SCAF4: variants seen among roughly 807,000 people sequenced by gnomAD.
SCAF4 encodes the protein SR-related and CTD-associated factor 4.
In SCAF4, 25 loss-of-function variants were observed where a neutral mutation model predicts 129.8. The observed-to-expected ratio is 0.19, with a 90% CI of 0.14 to 0.27. The LOEUF (loss-of-function observed/expected upper bound fraction) is 0.27, where lower values mean the gene tolerates loss of function less well. SCAF4 is among the 10% of genes least tolerant of loss of function. The pLI is 1.00. For missense variants in SCAF4, 1,246 were observed against 1,457.1 expected, an observed-to-expected ratio of 0.86 and a Z score of 2.36; for synonymous variants, 551 against 497.7, an observed-to-expected ratio of 1.11 and a Z score of -1.43.
intron 16 of SCAF4, among the ~76,000 whole-genome samples, chr21:31,686,156 T>G (rs1457808500): frequency 6.8e-6 from 1 of 147,662 alleles, no homozygotes; most frequent in Admixed American, 6.9e-5. Flanking sequence ...TGAGCCGAGA[T>G]TGCACCACTG....
intron 19 of SCAF4, among the ~76,000 whole-genome samples, chr21:31,673,191 C>T (rs187665776): frequency 1.4e-4 from 21 of 152,164 alleles, no homozygotes; most frequent in Non-Finnish European, 2.4e-4. Context: ...ATAAGAGTCA[C>T]GCAAGTTCAA....
intron 19 of SCAF4, among the ~76,000 whole-genome samples, chr21:31,683,423 G>T (rs1023395768): frequency 4.6e-5 from 7 of 152,190 alleles, no homozygotes; most frequent in Non-Finnish European, 1.0e-4. Context: ...AACAGGCAGG[G>T]TCTTCAAGAC....
chr21:31,729,373 A>G (rs1316806859), intron 1 of SCAF4, among the ~76,000 whole-genome samples: 1 of 152,218 alleles, frequency 6.6e-6, no homozygotes, highest in Non-Finnish European at 1.5e-5. Context: ...CCACACTGCA[A>G]TGGAAGGATC....
At chr21:31,685,807 A>T (rs1247638829) in intron 16 of SCAF4, 74 bp from the exon 17 acceptor site, 1 of 1,385,252 alleles carries the variant, frequency 7.2e-7, no homozygotes, top group Non-Finnish European at 9.8e-7. Flanking sequence ...CAGATAAAAG[A>T]GCAAACTGTT....
rs773549054 is a variant in SCAF4 at position 31,671,295 on chromosome 21, C to T, written c.*104G>A. 6.2e-5 allele frequency: 80 copies of T among 1,298,896 alleles called. No individual in the cohort carries two copies. The highest frequency in any genetic ancestry group is 7.9e-5 in the Non-Finnish European group (76 of 967,510). 80.5% of individuals were successfully genotyped at this position (1,298,896 alleles called of 1,614,324 possible). On this transcript the variant is annotated 3_prime_UTR_variant, in exon 20 of 20. Transcript: ENST00000286835. ...TTGCTTACAGTTCCCCACCAGCTGG[C>T]GCGGGGCTGCAGTACAGCGGGAGCG...
intron 19 of SCAF4, among the ~76,000 whole-genome samples, chr21:31,672,613 CAA>C (rs1156794397): frequency 5.3e-5 from 8 of 152,182 alleles, no homozygotes; most frequent in Non-Finnish European, 1.2e-4. Context: ...TACCAATTTT[CAA>C]AGAGTATGTC....
At chr21:31,677,708 C>T (rs1467491786) in intron 19 of SCAF4, among the ~76,000 whole-genome samples, 1 of 152,126 alleles carries the variant, frequency 6.6e-6, no homozygotes, top group Admixed American at 6.5e-5. Flanking sequence ...CATTTTTATC[C>T]TAGCCCACGG....
At chr21:31,707,981 A>G (rs1334581144) in intron 1 of SCAF4, among the ~76,000 whole-genome samples, 2 of 152,266 alleles carry the variant, frequency 1.3e-5, no homozygotes, top group African/African-American at 4.8e-5. Context: ...TCATTTTAAT[A>G]AAAGGATTCT....
chr21:31,723,106 T>A (rs11088185), intron 1 of SCAF4, among the ~76,000 whole-genome samples: 3,012 of 152,336 alleles, frequency 0.02, 100 homozygotes, highest in African/African-American at 0.069. Context: ...TGTACAACAT[T>A]TTGTAATTAA....
At chr21:31,700,817 G>A in intron 7 of SCAF4, 178 bp downstream of exon 7, 1 of 720,828 alleles carries the variant, frequency 1.4e-6, no homozygotes, top group Non-Finnish European at 2.4e-6. Flanking sequence ...TTTGCACTGA[G>A]CACATATCAC....
intron 7 of SCAF4, among the ~76,000 whole-genome samples, chr21:31,697,161 T>A (rs2050407694): frequency 6.6e-6 from 1 of 152,070 alleles, no homozygotes; most frequent in Non-Finnish European, 1.5e-5. Flanking sequence ...TCAATCACCA[T>A]AATGCATATA....
chr21:31,683,971 G>A (rs1389825600), intron 19 of SCAF4: 1 of 153,430 alleles, frequency 6.5e-6, no homozygotes, highest in Non-Finnish European at 1.5e-5. Context: ...CTTAGTCTAG[G>A]GGAGGGCAGA....
intron 7 of SCAF4, among the ~76,000 whole-genome samples, chr21:31,699,062 G>C (rs903235083): frequency 6.6e-6 from 1 of 152,024 alleles, no homozygotes; most frequent in Non-Finnish European, 1.5e-5. Flanking sequence ...GGGGAGAGAC[G>C]GGATACCAGG....
At chr21:31,702,109 G>GA in intron 5 of SCAF4, 135 bp downstream of exon 5, 1 of 1,364,776 alleles carries the variant, frequency 7.3e-7, no homozygotes, top group Non-Finnish European at 1.0e-6. Flanking sequence ...ATTATGGAAA[G>GA]AAAATCATAC....
intron 1 of SCAF4, 112 bp downstream of exon 1, chr21:31,731,550 CG>C: frequency 1.5e-6 from 2 of 1,294,838 alleles, no homozygotes; most frequent in African/African-American, 1.5e-5. Context: ...GCCCCGGAAC[CG>C]GGGCAGGAAG....
At chr21:31,701,964 C>T (rs756461704) in intron 5 of SCAF4, 46 bp from the exon 6 acceptor site, 2 of 1,593,692 alleles carry the variant, frequency 1.3e-6, no homozygotes, top group South Asian at 1.1e-5. Flanking sequence ...AGTTAACCTA[C>T]AAGTTTTCCT....
At position 31,672,073 on chromosome 21, in the gene SCAF4, G is replaced by C. The variant is rs1378846182; in HGVS notation, c.2770C>G (p.Leu924Val). 1.9e-6 allele frequency: 3 copies of C among 1,613,300 alleles called. No homozygotes were observed. The highest frequency in any genetic ancestry group is 2.7e-5 in the African/African-American group (2 of 74,922). Residue 924 changes from leucine (L) to valine (V), a missense_variant, in exon 20 of 20, where the codon CTC (leucine) becomes GTC (valine). By Grantham distance (32) the Leu-to-Val change is conservative. This residue lies in a region of SCAF4 where 339 missense variants were observed against 325.0 expected (regional missense o/e 1.04). Coordinates refer to ENST00000286835, the MANE Select transcript of SCAF4 (RefSeq NM_020706.2). Reference protein sequence around the residue: ...PFVRPGGMPGLGGPGPGPGGP... With the variant: ...PFVRPGGMPGVGGPGPGPGGP... ...CCTGGGCCTGGCCCTGGGCCCCCGA[G>C]CCCTGGCATTCCACCAGGCCTAACA...
chr21:31,696,451 C>A, intron 8 of SCAF4, 118 bp downstream of exon 8: 2 of 1,114,098 alleles, frequency 1.8e-6, no homozygotes, highest in Admixed American at 3.0e-5. Flanking sequence ...AAACTAATAC[C>A]ACAAATTTTA....
intron 12 of SCAF4, among the ~76,000 whole-genome samples, chr21:31,692,864 G>A (rs941178603): frequency 2.6e-5 from 4 of 152,134 alleles, no homozygotes; most frequent in African/African-American, 9.7e-5. Flanking sequence ...AGTGTTGATG[G>A]TTTTTCTTTT....
Sources: allele counts gnomAD v4.1 joint callset (sites outside exome capture counted in the v4.1 genomes callset), GRCh38; gene constraint gnomAD v4.1.1; regional missense constraint gnomAD v4.1.1; transcripts MANE v1.5; gene names NCBI Gene and HGNC (gene_info 2026-07-23, HGNC 2026-07-21).